The following UBFD1 variants were observed in gnomAD, a reference collection of about 807,000 sequenced individuals.
UBFD1 encodes ubiquitin family domain containing 1.
A neutral mutation model predicts 35.1 loss-of-function variants in UBFD1; 12 were observed. That is an observed-to-expected ratio of 0.34 (90% CI 0.22 to 0.55). UBFD1 has a LOEUF of 0.55. Ranked by LOEUF, UBFD1 falls within the 20% of genes least tolerant of loss-of-function variation. The pLI, the probability that UBFD1 is intolerant of heterozygous loss-of-function variation, is 0.89. For missense variants in UBFD1, 337 were observed against 410.8 expected, an observed-to-expected ratio of 0.82 and a Z score of 1.55; for synonymous variants, 178 against 167.6, an observed-to-expected ratio of 1.06 and a Z score of -0.48.
At chr16:23,564,568 G>C (rs1214083282) in intron 5 of UBFD1, 1 of 152,194 alleles carries the variant, frequency 6.6e-6, no homozygotes, top group African/African-American at 2.4e-5. Context: ...GCTTAGTTCT[G>C]TCTCATCACA....
At chr16:23,565,286 C>G (rs1485954603) in intron 5 of UBFD1, 2 of 152,186 alleles carry the variant, frequency 1.3e-5, no homozygotes, top group Non-Finnish European at 2.9e-5. Context: ...CTAAACTCTG[C>G]TAGCTTGTGT....
chr16:23,558,326 G>C lies in UBFD1; in HGVS notation c.355+47G>C, dbSNP rs377422484. On this transcript the variant is annotated intron_variant, in intron 2 of 6. Transcript: ENST00000395878. ...GCCAGTCTTCCCCACCCCGCCTCCT[G>C]ATGGCCCTTGCACCCTACTAGGCAC... 1.8e-5 allele frequency: 28 copies of C among 1,589,920 alleles called. No homozygotes were observed. The African/African-American group carries it at 3.7e-4, about 21-fold the overall frequency.
Position 23,558,293 on chromosome 16 carries a change from C to A in UBFD1, c.355+14C>A. ...ACTCGATTACAGGTAATTCCTGTGGCGCTGACAGCCAGTCTTCCCCACCCC... is the reference window on the plus strand; with the variant it reads ...ACTCGATTACAGGTAATTCCTGTGGAGCTGACAGCCAGTCTTCCCCACCCC... On this transcript the variant is annotated intron_variant, in intron 2 of 6. Transcript: ENST00000395878. 3.8e-6 allele frequency: 6 copies of A among 1,592,418 alleles called. No homozygotes were observed. Among genetic ancestry groups the A allele is most frequent in the Non-Finnish European group, 5.1e-6 (6 of 1,170,352 alleles).
At chr16:23,560,725 A>G (rs756703036) in intron 3 of UBFD1, among the ~76,000 whole-genome samples, 1 of 152,212 alleles carries the variant, frequency 6.6e-6, no homozygotes, top group Non-Finnish European at 1.5e-5. Flanking sequence ...TGAAAGCAAT[A>G]TTATCTTTAT....
In UBFD1 at chr16:23,571,183, G is replaced by A. The variant is rs935666859; in HGVS notation, c.*593G>A. 6.6e-6 allele frequency: 1 copy of A among 152,586 alleles called. No homozygotes were observed. The highest frequency in any genetic ancestry group is 2.4e-5 in the African/African-American group (1 of 41,414). The allele number at this position is 152,586 out of a possible 1,614,324, so 9.5% of individuals were successfully genotyped here. A position where few individuals can be genotyped will look rare whatever the true frequency, so the allele number is the denominator to read the frequency against. ...TGAGTTTTTGTTTTAAGAACCCAAA[G>A]ATGTCAGTTCTTCTTTTGGTACCTC... On this transcript the variant is annotated 3_prime_UTR_variant, in exon 7 of 7. Transcript: ENST00000395878.
At chr16:23,565,528 A>G (rs1465132911) in intron 5 of UBFD1, 1 of 152,172 alleles carries the variant, frequency 6.6e-6, no homozygotes, top group Non-Finnish European at 1.5e-5. Flanking sequence ...TCAGGATGAA[A>G]GGTGTTTTAA....
intron 3 of UBFD1, chr16:23,560,037 CT>C (rs2142211033): frequency 9.9e-6 from 3 of 302,600 alleles, no homozygotes; most frequent in African/African-American, 2.3e-5. Flanking sequence ...TTACATTTGG[CT>C]TTTTGGTTTG....
In UBFD1 at chr16:23,571,086, G is replaced by A. The variant is rs945560189; in HGVS notation, c.*496G>A. ...TTGTATGCAAAATGGGGGTGGGTTA[G>A]TAAGCCACATATTTCTGTCCATTGA... On this transcript the variant is annotated 3_prime_UTR_variant, in exon 7 of 7. Transcript: ENST00000395878. The A allele has an allele frequency of 2.6e-5, 4 of 152,262 alleles. 1 individual carries two copies. The highest frequency in any genetic ancestry group is 9.7e-5 in the African/African-American group (4 of 41,288). The allele number at this position is 152,262 out of a possible 1,614,324, so 9.4% of individuals were successfully genotyped here.
Position 23,570,883 on chromosome 16 carries a change from AGT to A in UBFD1, c.*298_*299del. The A allele has an allele frequency of 4.9e-6, 1 of 204,852 alleles. No individual in the cohort carries two copies. The highest frequency in any genetic ancestry group is 9.8e-6 in the Non-Finnish European group (1 of 101,914). 12.7% of individuals were successfully genotyped at this position (204,852 alleles called of 1,614,324 possible). A position where few individuals can be genotyped will look rare whatever the true frequency, so the allele number is the denominator to read the frequency against. On this transcript the variant is annotated 3_prime_UTR_variant, in exon 7 of 7. Transcript: ENST00000395878. ...GAACATGTTGTGTGGAATACTCTTA[AGT>A]GTGTTTGAGAGTAGATCTGCCAATT...
At position 23,571,550 on chromosome 16, in the gene UBFD1, G is replaced by A. The variant is rs1318774956; in HGVS notation, c.*960G>A. 10 of 152,506 alleles carry A rather than the reference G, an allele frequency of 6.6e-5. No homozygotes were observed. Among genetic ancestry groups the A allele is most frequent in the Non-Finnish European group, 5.9e-5 (4 of 68,060 alleles). 9.4% of individuals were successfully genotyped at this position (152,506 alleles called of 1,614,324 possible). A position where few individuals can be genotyped will look rare whatever the true frequency, so the allele number is the denominator to read the frequency against. On this transcript the variant is annotated 3_prime_UTR_variant, in exon 7 of 7. Coordinates refer to ENST00000395878, the MANE Select transcript of UBFD1 (RefSeq NM_019116.3). ...TCCAGGAGGAGCCAGGTAGAAGATAGTTATACAGCCATATAGCTGCAGATC... is the reference window on the plus strand; with the variant it reads ...TCCAGGAGGAGCCAGGTAGAAGATAATTATACAGCCATATAGCTGCAGATC...
chr16:23,559,840 G>T (rs1965903581), intron 3 of UBFD1, 164 bp downstream of exon 3: 1 of 1,538,314 alleles, frequency 6.5e-7, no homozygotes, highest in Non-Finnish European at 8.7e-7. Flanking sequence ...ACAACTACCT[G>T]AGATTTGCAA....
At chr16:23,565,091 C>T (rs1251935437) in intron 5 of UBFD1, 2 of 152,260 alleles carry the variant, frequency 1.3e-5, no homozygotes, top group African/African-American at 2.4e-5. Context: ...TTGCCCAGTC[C>T]TGTTACCTAA....
In UBFD1 at chr16:23,559,595, A is replaced by G. The variant is rs1213017223; in HGVS notation, c.483A>G (p.Leu161=). The G allele has an allele frequency of 6.2e-7, 1 of 1,614,260 alleles. No individual in the cohort carries two copies. The highest frequency in any genetic ancestry group is 1.7e-5 in the Admixed American group (1 of 60,028). ...MVVGSTINDV[L]AVNTPKDAAQ... ...TTGGCTCCACCATCAATGATGTTTT[A>G]GCAGTAAACACACCCAAAGATGCTG... is the stretch of plus-strand genomic sequence containing the variant. Residue 161 remains leucine (L), a synonymous_variant, in exon 3 of 7, where the codon TTA becomes TTG. Coordinates refer to ENST00000395878, the MANE Select transcript of UBFD1 (RefSeq NM_019116.3).
At position 23,562,283 on chromosome 16, in the gene UBFD1, T is replaced by G; in HGVS notation, c.630+12T>G. 6.2e-7 allele frequency: 1 copy of G among 1,613,446 alleles called. No homozygotes were observed. The highest frequency in any genetic ancestry group is 8.5e-7 in the Non-Finnish European group (1 of 1,179,702). Reference sequence around the variant, plus strand: ...TTAAGGGGGCCCAGGTAAGGCGGATTTCTTTGTGAGCATTCTGAAAATGAG... The same window carrying G: ...TTAAGGGGGCCCAGGTAAGGCGGATGTCTTTGTGAGCATTCTGAAAATGAG... On this transcript the variant is annotated intron_variant, in intron 4 of 6. Coordinates refer to ENST00000395878, the MANE Select transcript of UBFD1 (RefSeq NM_019116.3).
At chr16:23,558,626 G>A (rs1965869339) in intron 2 of UBFD1, among the ~76,000 whole-genome samples, 1 of 152,170 alleles carries the variant, frequency 6.6e-6, no homozygotes, top group African/African-American at 2.4e-5. Flanking sequence ...GATGTAGCCA[G>A]GAATTTATTT....
At position 23,567,063 on chromosome 16, in the gene UBFD1, C is replaced by G. The variant is rs763006988; in HGVS notation, c.813C>G (p.His271Gln). The G allele has an allele frequency of 3.7e-6, 6 of 1,613,964 alleles. No homozygotes were observed. Among genetic ancestry groups the G allele is most frequent in the Non-Finnish European group, 5.1e-6 (6 of 1,179,974 alleles). The change falls in exon 6 of 7, where the codon CAC (histidine) becomes CAG (glutamine). Residue 271 changes from histidine (H) to glutamine (Q), a missense_variant. By Grantham distance (24) the His-to-Gln change is conservative. Transcript: ENST00000395878. Reference protein sequence around the residue: ...SEPIEGHEDYHMMAFQLGPTE... With the variant: ...SEPIEGHEDYQMMAFQLGPTE... ...CTATCGAAGGACATGAAGACTACCA[C>G]ATGATGGTAAGTAGCGCTGGCTGAG...
rs9871 is a variant in UBFD1, at chr16:23,573,740, T to C, written c.*3150T>C. ...TGCCATATTTCACCCAGAAGGGGCTTGTTTTCCTCTTACTCTTACTTTAAC... is the reference window on the plus strand; with the variant it reads ...TGCCATATTTCACCCAGAAGGGGCTCGTTTTCCTCTTACTCTTACTTTAAC... On this transcript the variant is annotated 3_prime_UTR_variant, in exon 7 of 7. Transcript: ENST00000395878. 0.88 allele frequency: 134,233 copies of C among 152,712 alleles called. 59,339 individuals are homozygous for C. Among genetic ancestry groups the C allele is most frequent in the African/African-American group, 0.97 (40,212 of 41,556 alleles). 9.5% of individuals were successfully genotyped at this position (152,712 alleles called of 1,614,324 possible). A position where few individuals can be genotyped will look rare whatever the true frequency, so the allele number is the denominator to read the frequency against.
At chr16:23,570,122 C>T (rs1966063639) in intron 6 of UBFD1, among the ~76,000 whole-genome samples, 1 of 152,146 alleles carries the variant, frequency 6.6e-6, no homozygotes, top group Non-Finnish European at 1.5e-5. Context: ...ACTGTGGTCC[C>T]TGGATCAGTA....
In UBFD1 at chr16:23,558,089, G is replaced by A; in HGVS notation, c.165G>A (p.Gln55=). ...CCGGCGCCGCACGAGGCAGCCTGCAGCCGGCCCCGGCCCAGCCCCCTGGGG... is the reference window on the plus strand; with the variant it reads ...CCGGCGCCGCACGAGGCAGCCTGCAACCGGCCCCGGCCCAGCCCCCTGGGG... The part of the protein sequence containing the change: ...EDSGAARGSL[Q]PAPAQPPGDP... The change falls in exon 2 of 7, where the codon CAG becomes CAA. Residue 55 remains glutamine (Q), a synonymous_variant. Coordinates refer to ENST00000395878, the MANE Select transcript of UBFD1 (RefSeq NM_019116.3). 6.7e-7 allele frequency: 1 copy of A among 1,502,810 alleles called. No individual in the cohort carries two copies. Among genetic ancestry groups the A allele is most frequent in the Non-Finnish European group, 8.8e-7 (1 of 1,131,312 alleles). 93.1% of individuals were successfully genotyped at this position (1,502,810 alleles called of 1,614,324 possible). A position where few individuals can be genotyped will look rare whatever the true frequency, so the allele number is the denominator to read the frequency against.
Sources: gnomAD v4.1 joint callset for allele counts (sites outside exome capture counted in the v4.1 genomes callset) on GRCh38, gnomAD v4.1.1 for gene constraint, MANE v1.5 for transcripts, NCBI Gene and HGNC (gene_info 2026-07-23, HGNC 2026-07-21) for gene names.